Variants in VRTN observed in about 807,000 individuals in gnomAD.
VRTN encodes the protein vertebrae development associated, also known as vertnin.
Under a neutral mutation model 18.2 loss-of-function variants are expected in VRTN, and 5 were observed. The observed-to-expected ratio is 0.27, with a 90% confidence interval of 0.14 to 0.58. The LOEUF (loss-of-function observed/expected upper bound fraction) is 0.58. Among genes scored for constraint, VRTN ranks in the 20% least tolerant of loss-of-function variants. The pLI, the probability that VRTN is intolerant of heterozygous loss-of-function variation, is 0.91. For missense variants in VRTN, 741 were observed against 939.4 expected, an observed-to-expected ratio of 0.79 and a Z score of 2.76; for synonymous variants, 381 against 393.7, an observed-to-expected ratio of 0.97 and a Z score of 0.38.
intron 1 of VRTN, among the ~76,000 whole-genome samples, chr14:74,309,714 A>C (rs1247454441): frequency 6.6e-6 from 1 of 152,058 alleles, no homozygotes; most frequent in South Asian, 2.1e-4. Context: ...AAATAAATAA[A>C]ATTTTAAAAA....
At chr14:74,316,443 G>T (rs1166797159) in intron 1 of VRTN, among the ~76,000 whole-genome samples, 1 of 151,656 alleles carries the variant, frequency 6.6e-6, no homozygotes, top group Non-Finnish European at 1.5e-5. Context: ...AACCTGGGAG[G>T]CAGAGGCTGT....
chr14:74,312,069 C>G (rs1332989350), intron 1 of VRTN, among the ~76,000 whole-genome samples: 1 of 152,192 alleles, frequency 6.6e-6, no homozygotes, highest in Non-Finnish European at 1.5e-5. Flanking sequence ...CGCGCCCAGC[C>G]AGCATACACA....
intron 1 of VRTN, among the ~76,000 whole-genome samples, chr14:74,336,979 G>C (rs898953961): frequency 6.6e-6 from 1 of 152,048 alleles, no homozygotes; most frequent in Non-Finnish European, 1.5e-5. Context: ...AATTTACTTT[G>C]AATTGGGTTT....
Position 74,359,085 on chromosome 14 carries a change from C to A in VRTN, c.*193C>A. ...GCCAGAAATCAGCCATCTGGTCTCCCGTAGGAAACTGTGGGACCAGAGATA... is the reference window on the plus strand; with the variant it reads ...GCCAGAAATCAGCCATCTGGTCTCCAGTAGGAAACTGTGGGACCAGAGATA... On this transcript the variant is annotated 3_prime_UTR_variant, in exon 2 of 2. Transcript: ENST00000256362. 9.2e-7 allele frequency: 1 copy of A among 1,092,656 alleles called. No homozygotes were observed. 67.7% of individuals were successfully genotyped at this position (1,092,656 alleles called of 1,614,324 possible). A position where few individuals can be genotyped will look rare whatever the true frequency, so the allele number is the denominator to read the frequency against.
At chr14:74,326,972 A>G (rs1320502371) in intron 1 of VRTN, among the ~76,000 whole-genome samples, 1 of 151,934 alleles carries the variant, frequency 6.6e-6, no homozygotes, top group East Asian at 1.9e-4. Context: ...CCCACCCACC[A>G]AGCAGCAGCA....
rs554079047 is a variant in VRTN, at chr14:74,305,655, A to AT, written c.-164+2488dup. The AT allele has an allele frequency of 8.5e-3, 1,350 of 158,604 alleles. 60 individuals are homozygous for AT. The highest frequency in any genetic ancestry group is 0.08 in the Admixed American group (1,235 of 15,504). The allele number at this position is 158,604 out of a possible 1,614,324, so 9.8% of individuals were successfully genotyped here. A position where few individuals can be genotyped will look rare whatever the true frequency, so the allele number is the denominator to read the frequency against. ...AAAATGAGGTACATTAGTGTTTGGGATTTTTTTTTAGACTTGTCCCCCAAG... is the reference window on the plus strand; with the variant it reads ...AAAATGAGGTACATTAGTGTTTGGGATTTTTTTTTTAGACTTGTCCCCCAAG... On this transcript the variant is annotated intron_variant, in intron 1 of 2. Coordinates refer to the VRTN transcript ENST00000557177.
upstream of VRTN, among the ~76,000 whole-genome samples, chr14:74,347,141 T>C (rs1330673365): frequency 6.6e-6 from 1 of 152,242 alleles, no homozygotes; most frequent in African/African-American, 2.4e-5. Context: ...TTTTAAATTT[T>C]ATCATCTCGT....
chr14:74,326,014 T>G (rs2085485421), intron 1 of VRTN, among the ~76,000 whole-genome samples: 1 of 152,080 alleles, frequency 6.6e-6, no homozygotes, highest in African/African-American at 2.4e-5. Flanking sequence ...ACAAACATTA[T>G]CCTCATTTTA....
chr14:74,313,050 T>C, intron 1 of VRTN, among the ~76,000 whole-genome samples: 1 of 152,230 alleles, frequency 6.6e-6, no homozygotes, highest in East Asian at 1.9e-4. Flanking sequence ...TGTGTTTTGT[T>C]TTTTAAAATG....
intron 1 of VRTN, among the ~76,000 whole-genome samples, chr14:74,316,469 C>T (rs2085420023): frequency 6.6e-6 from 1 of 151,050 alleles, no homozygotes; most frequent in Non-Finnish European, 1.5e-5. Context: ...GCCGAGATCA[C>T]GCCACTGCAC....
At position 74,322,342 on chromosome 14, in the gene VRTN, G is replaced by A. The variant is rs1220494675; in HGVS notation, c.-163-15381G>A. Among the ~76,000 whole-genome samples the A allele has an allele frequency of 2.0e-5, 3 of 152,012 alleles. No homozygotes were observed. The East Asian group carries it at 5.8e-4, about 30-fold the overall frequency. On this transcript the variant is annotated intron_variant, in intron 1 of 2. Coordinates refer to the VRTN transcript ENST00000557177. Reference sequence around the variant, plus strand: ...TTTTTATATTTTTTATAGAGATGGGGTCTCACTGTGTTGCCCAGACAGATC... The same window carrying A: ...TTTTTATATTTTTTATAGAGATGGGATCTCACTGTGTTGCCCAGACAGATC...
rs149368081 is a variant in VRTN at position 74,316,479 on chromosome 14, C to T, written c.-164+13303C>T. On this transcript the variant is annotated intron_variant, in intron 1 of 2. Transcript: ENST00000557177. ...GGTGAGCCGAGATCACGCCACTGCA[C>T]TCCAGCCTGGGCAACAAAGCGAGAC... 4.5e-3 allele frequency among the ~76,000 whole-genome samples: 687 copies of T among 151,902 alleles called. 6 individuals are homozygous for T. Among genetic ancestry groups the T allele is most frequent in the African/African-American group, 0.016 (648 of 41,446 alleles).
chr14:74,343,985 C>CG (rs2085625348), upstream of VRTN, among the ~76,000 whole-genome samples: 1 of 150,446 alleles, frequency 6.6e-6, no homozygotes, highest in Non-Finnish European at 1.5e-5. Flanking sequence ...TTTGTAGATG[C>CG]GGGGGTTTCA....
intron 1 of VRTN, among the ~76,000 whole-genome samples, chr14:74,353,505 A>G (rs755625036): frequency 5.9e-5 from 9 of 151,910 alleles, no homozygotes; most frequent in Non-Finnish European, 8.8e-5. Flanking sequence ...GATTGTTGCT[A>G]CCCCTTTGAA....
At chr14:74,311,556 T>C (rs373477922) in intron 1 of VRTN, among the ~76,000 whole-genome samples, 1 of 151,976 alleles carries the variant, frequency 6.6e-6, no homozygotes, top group African/African-American at 2.4e-5. Context: ...ATTACAGGCA[T>C]GCTCCACCAC....
At chr14:74,303,285 T>G in intron 1 of VRTN, 1 of 192,658 alleles carries the variant, frequency 5.2e-6, no homozygotes, top group Non-Finnish European at 1.1e-5. Flanking sequence ...GCCCGGTGGG[T>G]TACTCCTGTA....
chr14:74,342,204 A>G (rs1029610615), intron 2 of VRTN, among the ~76,000 whole-genome samples: 1 of 151,586 alleles, frequency 6.6e-6, no homozygotes, highest in Non-Finnish European at 1.5e-5. Flanking sequence ...CTGTGACTAC[A>G]CTACTGCATT....
In VRTN at chr14:74,359,093, A is replaced by T; in HGVS notation, c.*201A>T. On this transcript the variant is annotated 3_prime_UTR_variant, in exon 2 of 2. Coordinates refer to ENST00000256362, the MANE Select transcript of VRTN (RefSeq NM_018228.3). ...TCAGCCATCTGGTCTCCCGTAGGAA[A>T]CTGTGGGACCAGAGATATCCTCTTT... 1.0e-6 allele frequency: 1 copy of T among 994,894 alleles called. No individual in the cohort carries two copies. Among genetic ancestry groups the T allele is most frequent in the Non-Finnish European group, 1.4e-6 (1 of 730,094 alleles). 61.6% of individuals were successfully genotyped at this position (994,894 alleles called of 1,614,324 possible).
intron 2 of VRTN, among the ~76,000 whole-genome samples, chr14:74,340,648 G>C (rs1226547922): frequency 6.6e-6 from 1 of 152,214 alleles, no homozygotes; most frequent in Non-Finnish European, 1.5e-5. Context: ...CACATATTAA[G>C]AGCTCAAATA....
Sources: gnomAD v4.1 joint callset for allele counts (sites outside exome capture counted in the v4.1 genomes callset) on GRCh38, gnomAD v4.1.1 for gene constraint, MANE v1.5 for transcripts, NCBI Gene and HGNC (gene_info 2026-07-23, HGNC 2026-07-21) for gene names.